The following RAB14 variants were observed in gnomAD, a reference collection of about 807,000 sequenced individuals.
The protein encoded by RAB14 is RAB14, member RAS oncogene family, also known as ras-related protein Rab-14.
A neutral mutation model predicts 31.1 loss-of-function variants in RAB14; 3 were observed. That is an observed-to-expected ratio of 0.10 (90% confidence interval 0.04 to 0.25). RAB14 has a LOEUF of 0.25. Among genes scored for constraint, RAB14 ranks in the 10% least tolerant of loss-of-function variants. The pLI is 1.00. For missense variants in RAB14, 111 were observed against 260.1 expected (o/e 0.43, Z 3.94); for synonymous variants, 85 against 84.9 (o/e 1.00, Z 0.00).
intron 1 of RAB14, 110 bp downstream of exon 1, chr9:121,201,529 G>C (rs918143881): frequency 6.6e-6 from 1 of 152,360 alleles, no homozygotes; most frequent in Non-Finnish European, 1.5e-5. Flanking sequence ...CCTGGCCCCG[G>C]GGCGCCGCCC....
chr9:121,190,861 G>T, intron 3 of RAB14, 130 bp from the exon 4 acceptor site: 1 of 840,238 alleles, frequency 1.2e-6, no homozygotes, highest in Non-Finnish European at 1.7e-6. Context: ...TAAAGCTACC[G>T]CTAAAAAAAA....
chr9:121,182,765 TAA>T (rs1268149491), intron 7 of RAB14, among the ~76,000 whole-genome samples, 163 bp downstream of exon 7: 1 of 152,188 alleles, frequency 6.6e-6, no homozygotes, highest in South Asian at 2.1e-4. Flanking sequence ...TTTTGAAATG[TAA>T]AAAAGGAAGC....
rs945189126 is a variant in RAB14 at position 121,201,624 on chromosome 9, G to A, written c.-8+15C>T. The A allele has an allele frequency of 6.6e-6, 1 of 152,526 alleles. No homozygotes were observed. The highest frequency in any genetic ancestry group is 1.5e-5 in the Non-Finnish European group (1 of 68,366). 9.4% of individuals were successfully genotyped at this position (152,526 alleles called of 1,614,324 possible). A position where few individuals can be genotyped will look rare whatever the true frequency, so the allele number is the denominator to read the frequency against. On this transcript the variant is annotated intron_variant, in intron 1 of 7. Coordinates refer to ENST00000373840, the MANE Select transcript of RAB14 (RefSeq NM_016322.4). The stretch of plus-strand genomic sequence containing the variant: ...AGGTATCAGCCGGCCGGACACTACG[G>A]AAGGCCCGGGTTACCTGGGGGGTTG...
chr9:121,200,186 A>G (rs1253179562), intron 1 of RAB14, among the ~76,000 whole-genome samples: 1 of 152,232 alleles, frequency 6.6e-6, no homozygotes, highest in Non-Finnish European at 1.5e-5. Flanking sequence ...CTTAACCACG[A>G]CATACCTCTA....
intron 1 of RAB14, among the ~76,000 whole-genome samples, chr9:121,199,933 T>C (rs924898684): frequency 1.3e-5 from 2 of 152,252 alleles, no homozygotes; most frequent in African/African-American, 2.4e-5. Flanking sequence ...ATTCAAAAGA[T>C]ATTAAACACC....
At chr9:121,183,266 T>TAAA in intron 6 of RAB14, 45 bp downstream of exon 6, 1 of 1,494,446 alleles carries the variant, frequency 6.7e-7, no homozygotes, top group Non-Finnish European at 9.2e-7. Flanking sequence ...CACCTTTCCT[T>TAAA]AAAAATTCTC....
At position 121,194,687 on chromosome 9, in the gene RAB14, C is replaced by G. The variant is rs531606335; in HGVS notation, c.-7-1268G>C. On this transcript the variant is annotated intron_variant, in intron 1 of 7. Transcript: ENST00000373840. ...TTCTGTCAATGTCACATTACACAAG[C>G]CAGACATTTAATATGACTGGAGAAA... Among the ~76,000 whole-genome samples the G allele has an allele frequency of 1.1e-4, 17 of 152,082 alleles. No homozygotes were observed. The South Asian group carries it at 3.5e-3, about 32-fold the overall frequency.
At chr9:121,188,425 T>C (rs2053669426) in intron 4 of RAB14, among the ~76,000 whole-genome samples, 2 of 151,886 alleles carry the variant, frequency 1.3e-5, no homozygotes, top group South Asian at 2.1e-4. Context: ...TACTTACATG[T>C]ACTATAACTT....
At chr9:121,195,536 T>C (rs952661602) in intron 1 of RAB14, among the ~76,000 whole-genome samples, 12 of 152,164 alleles carry the variant, frequency 7.9e-5, no homozygotes, top group Non-Finnish European at 1.3e-4. Context: ...ACCTGCTAAT[T>C]ATCATACATT....
intron 3 of RAB14, 111 bp downstream of exon 3, chr9:121,192,060 G>C (rs1265738007): frequency 1.4e-6 from 1 of 740,690 alleles, no homozygotes; most frequent in Non-Finnish European, 2.1e-6. Flanking sequence ...TACAAATATA[G>C]GGAAAGGTTA....
At chr9:121,197,971 G>GA (rs1564322478) in intron 1 of RAB14, among the ~76,000 whole-genome samples, 2 of 151,718 alleles carry the variant, frequency 1.3e-5, no homozygotes, top group African/African-American at 4.8e-5. Context: ...TTTGTTAAGT[G>GA]AAAAAACACA....
intron 1 of RAB14, among the ~76,000 whole-genome samples, chr9:121,195,544 A>G (rs2053710589): frequency 6.6e-6 from 1 of 152,192 alleles, no homozygotes; most frequent in Non-Finnish European, 1.5e-5. Context: ...ATTATCATAC[A>G]TTCATTAAAT....
intron 7 of RAB14, 22 bp from the exon 8 acceptor site, chr9:121,181,595 T>C (rs779962899): frequency 6.3e-7 from 1 of 1,580,146 alleles, no homozygotes; most frequent in East Asian, 2.3e-5. Context: ...TTGATAACTT[T>C]ATTGGAGAAC....
intron 6 of RAB14, among the ~76,000 whole-genome samples, 172 bp downstream of exon 6, chr9:121,183,139 C>T (rs182516216): frequency 9.2e-5 from 14 of 152,112 alleles, no homozygotes; most frequent in Admixed American, 2.6e-4. Context: ...AATAACTGTA[C>T]TGCTCCAACA....
At chr9:121,199,112 A>C (rs1486710065) in intron 1 of RAB14, among the ~76,000 whole-genome samples, 1 of 152,138 alleles carries the variant, frequency 6.6e-6, no homozygotes, top group Non-Finnish European at 1.5e-5. Flanking sequence ...GAAAGCACTT[A>C]ACAACCAAAA....
chr9:121,196,254 C>T (rs145089434), intron 1 of RAB14, among the ~76,000 whole-genome samples: 1 of 152,022 alleles, frequency 6.6e-6, no homozygotes, highest in Admixed American at 6.5e-5. Context: ...CACTTTATTC[C>T]ACATTTTACA....
intron 3 of RAB14, among the ~76,000 whole-genome samples, chr9:121,191,216 T>A (rs1205650123): frequency 3.9e-5 from 6 of 152,180 alleles, no homozygotes; most frequent in Non-Finnish European, 7.4e-5. Flanking sequence ...CCATTTAGCC[T>A]TCTTACAATC....
chr9:121,190,605 C>T lies in RAB14; in HGVS notation c.233G>A (p.Arg78Gln). Residue 78 changes from arginine to glutamine, a missense_variant, in exon 4 of 8, where the codon CGG (arginine) becomes CAG (glutamine). By Grantham distance (43) the Arg-to-Gln change is conservative. Transcript: ENST00000373840. ...TCCCGCAGCTCCTCTGTAGTAGCTC[C>T]GTGTAACAGCCCTAAATCGCTCCTG... is the stretch of plus-strand genomic sequence containing the variant. Reference protein sequence around the residue: ...AGQERFRAVTRSYYRGAAGAL... With the variant: ...AGQERFRAVTQSYYRGAAGAL... 1 of 1,613,198 alleles carries T rather than the reference C, an allele frequency of 6.2e-7. No individual in the cohort carries two copies. Among genetic ancestry groups the T allele is most frequent in the Non-Finnish European group, 8.5e-7 (1 of 1,179,540 alleles).
At chr9:121,187,476 C>T (rs1339786783) in intron 4 of RAB14, among the ~76,000 whole-genome samples, 1 of 151,968 alleles carries the variant, frequency 6.6e-6, no homozygotes, top group Admixed American at 6.6e-5. Flanking sequence ...CATTAAAAAC[C>T]AAGTCACACT....
Sources: gnomAD v4.1 joint callset for allele counts (sites outside exome capture counted in the v4.1 genomes callset) on GRCh38, gnomAD v4.1.1 for gene constraint, MANE v1.5 for transcripts, NCBI Gene and HGNC (gene_info 2026-07-23, HGNC 2026-07-21) for gene names.